The following RYR2 variants were observed in gnomAD, a reference collection of about 807,000 sequenced individuals.
RYR2 encodes cardiac muscle ryanodine receptor-calcium release channel.
A neutral mutation model predicts 601.1 loss-of-function variants in RYR2; 227 were observed. That is an observed-to-expected ratio of 0.38 (90% CI 0.34 to 0.42). The LOEUF (loss-of-function observed/expected upper bound fraction) is 0.42, where lower values mean the gene tolerates loss of function less well. RYR2 is among the 10% of genes least tolerant of loss of function. The probability of loss-of-function intolerance (pLI) is 1.00; values close to 1 mark genes in which losing one functional copy is unlikely to be tolerated. For missense variants in RYR2, 4,646 were observed against 6,156.5 expected (o/e 0.75, Z 8.21); for synonymous variants, 2,223 against 2,175.1 (o/e 1.02, Z -0.61).
chr1:237,633,714 A>G lies in RYR2; in HGVS notation c.6688+4A>G. The stretch of plus-strand genomic sequence containing the variant: ...GAAAACAGCAGTGTTGGTCTTGGTA[A>G]GTAAATGACTTTTATTTCATCTTTA... On this transcript the variant is annotated splice_donor_region_variant and intron_variant, in intron 43 of 104. Transcript: ENST00000366574. The G allele has an allele frequency of 1.2e-6, 2 of 1,604,768 alleles. No homozygotes were observed. Among genetic ancestry groups the G allele is most frequent in the Non-Finnish European group, 1.7e-6 (2 of 1,175,106 alleles).
intron 1 of RYR2, among the ~76,000 whole-genome samples, chr1:237,043,161 C>T (rs1283391234): frequency 6.6e-6 from 1 of 152,208 alleles, no homozygotes. Flanking sequence ...AGGTTTCCCC[C>T]AAGTCAAGGT....
intron 86 of RYR2, 96 bp downstream of exon 86, chr1:237,772,196 G>A (rs1694325895): frequency 1.6e-6 from 1 of 638,822 alleles, no homozygotes; most frequent in Non-Finnish European, 2.7e-6. Flanking sequence ...AACTAGAAAG[G>A]AGTTTTTGAG....
chr1:237,417,200 G>C, intron 11 of RYR2, 77 bp downstream of exon 11: 2 of 1,136,082 alleles, frequency 1.8e-6, no homozygotes, highest in Admixed American at 3.9e-5. Flanking sequence ...GTGTCAGCCT[G>C]TGATGCTGAA....
chr1:237,833,702 A>C lies in RYR2; in HGVS notation c.*1055A>C, dbSNP rs1168471697. On this transcript the variant is annotated 3_prime_UTR_variant, in exon 105 of 105. Coordinates refer to ENST00000366574, the MANE Select transcript of RYR2 (RefSeq NM_001035.3). ...CTCATTCTTTCAGCCACCTGTGATC[A>C]GTTTTGTTGATTAAGGACTTCTTGT... The C allele has an allele frequency of 1.3e-5, 2 of 152,600 alleles. No individual in the cohort carries two copies. The highest frequency in any genetic ancestry group is 3.9e-4 in the East Asian group (2 of 5,182). The allele number at this position is 152,600 out of a possible 1,614,324, so 9.5% of individuals were successfully genotyped here.
intron 1 of RYR2, among the ~76,000 whole-genome samples, chr1:237,139,250 C>T (rs1673125946): frequency 6.6e-6 from 1 of 152,132 alleles, no homozygotes; most frequent in South Asian, 2.1e-4. Flanking sequence ...GTCTTGAAAA[C>T]ATTATCCTGA....
At chr1:237,567,674 A>C (rs1453561365) in intron 28 of RYR2, among the ~76,000 whole-genome samples, 1 of 152,086 alleles carries the variant, frequency 6.6e-6, no homozygotes, top group Non-Finnish European at 1.5e-5. Context: ...TTGATTGGTA[A>C]AATCATAGAT....
At chr1:237,408,803 C>G (rs1365401993) in intron 10 of RYR2, among the ~76,000 whole-genome samples, 2 of 152,132 alleles carry the variant, frequency 1.3e-5, no homozygotes, top group East Asian at 3.8e-4. Flanking sequence ...GTCTTCCTAT[C>G]CATGAACATG....
At chr1:237,700,046 T>G (rs1393204140) in intron 64 of RYR2, among the ~76,000 whole-genome samples, 183 bp from the exon 65 acceptor site, 1 of 152,200 alleles carries the variant, frequency 6.6e-6, no homozygotes, top group Non-Finnish European at 1.5e-5. Context: ...AAAAGATAAT[T>G]TACAGAGCAG....
intron 17 of RYR2, among the ~76,000 whole-genome samples, chr1:237,483,178 C>T (rs78248272): frequency 6.6e-6 from 1 of 152,110 alleles, no homozygotes; most frequent in South Asian, 2.1e-4. Context: ...CCCCTGAATT[C>T]TCCTCTGATC....
At chr1:237,164,236 G>A (rs191493926) in intron 1 of RYR2, among the ~76,000 whole-genome samples, 3 of 152,268 alleles carry the variant, frequency 2.0e-5, no homozygotes, top group African/African-American at 7.2e-5. Flanking sequence ...GCAGTGAGCC[G>A]AGATTGCGCC....
chr1:237,418,789 T>G (rs1313609842), intron 11 of RYR2, among the ~76,000 whole-genome samples: 1 of 152,070 alleles, frequency 6.6e-6, no homozygotes, highest in Non-Finnish European at 1.5e-5. Flanking sequence ...AAAGCTCTTC[T>G]ATATTGTCAT....
At chr1:237,450,663 C>G (rs1302706820) in intron 14 of RYR2, among the ~76,000 whole-genome samples, 2 of 152,106 alleles carry the variant, frequency 1.3e-5, no homozygotes, top group African/African-American at 4.8e-5. Context: ...TCCTTGTTCC[C>G]CTTGGGAAAT....
intron 77 of RYR2, among the ~76,000 whole-genome samples, chr1:237,731,254 A>G (rs1312697553): frequency 2.6e-5 from 4 of 152,144 alleles, no homozygotes; most frequent in African/African-American, 9.7e-5. Context: ...TTCCATGGCT[A>G]AGTCAGTGGA....
chr1:237,792,014 T>G, intron 93 of RYR2, 91 bp from the exon 94 acceptor site: 1 of 894,502 alleles, frequency 1.1e-6, no homozygotes, highest in Non-Finnish European at 1.8e-6. Flanking sequence ...CATCCAACTA[T>G]TTGCTGAAAA....
intron 26 of RYR2, among the ~76,000 whole-genome samples, chr1:237,549,907 G>C (rs1000323335): frequency 6.6e-6 from 1 of 152,132 alleles, no homozygotes; most frequent in African/African-American, 2.4e-5. Flanking sequence ...TGCCAAGATA[G>C]TAAGATAGCC....
At position 237,163,147 on chromosome 1, in the gene RYR2, C is replaced by G. The variant is rs183459070; in HGVS notation, c.49-107350C>G. 4.3e-4 allele frequency among the ~76,000 whole-genome samples: 66 copies of G among 152,282 alleles called. 1 individual carries two copies. In the East Asian group the frequency reaches 0.012, roughly 28 times the overall value. On this transcript the variant is annotated intron_variant, in intron 1 of 104. Coordinates refer to ENST00000366574, the MANE Select transcript of RYR2 (RefSeq NM_001035.3). ...AAATATACAACCACTCCGGTCAAAC[C>G]TCTCTACTGGTTGCTGATTTTGGGA...
At chr1:237,297,661 T>G (rs1355227582) in intron 2 of RYR2, among the ~76,000 whole-genome samples, 2 of 151,920 alleles carry the variant, frequency 1.3e-5, no homozygotes, top group East Asian at 1.9e-4. Context: ...ACATTGAGAG[T>G]TTCACTGTAA....
At position 237,456,809 on chromosome 1, in the gene RYR2, G is replaced by A; in HGVS notation, c.1612+74G>A. The A allele has an allele frequency of 2.7e-6, 4 of 1,456,150 alleles. No homozygotes were observed. In the Admixed American group the frequency reaches 8.0e-5, roughly 29 times the overall value. The allele number at this position is 1,456,150 out of a possible 1,614,324, so 90.2% of individuals were successfully genotyped here. On this transcript the variant is annotated intron_variant, in intron 16 of 104. Transcript: ENST00000366574. ...GTCCATAAATGGACTAGGTGTGATG[G>A]CTCATGCCTGTAATTCCAGCAATTT... is the stretch of plus-strand genomic sequence containing the variant.
chr1:237,634,332 A>T (rs2148704396), intron 43 of RYR2, among the ~76,000 whole-genome samples: 1 of 152,288 alleles, frequency 6.6e-6, no homozygotes, highest in Non-Finnish European at 1.5e-5. Flanking sequence ...AACCTGGAGG[A>T]TATTACATTA....
Sources: allele counts gnomAD v4.1 joint callset (sites outside exome capture counted in the v4.1 genomes callset), GRCh38; gene constraint gnomAD v4.1.1; transcripts MANE v1.5; gene names NCBI Gene and HGNC (gene_info 2026-07-23, HGNC 2026-07-21).